Variants in PLXNA4 observed in about 807,000 individuals in gnomAD.
PLXNA4 encodes the protein plexin-A4.
PLXNA4 carries 44 observed loss-of-function variants against 191.8 expected under a neutral mutation model. The ratio of observed to expected loss-of-function variants is 0.23; its 90% CI spans 0.18 to 0.29. PLXNA4 has a LOEUF of 0.29. PLXNA4 is among the 10% of genes least tolerant of loss of function. The pLI, the probability that PLXNA4 is intolerant of heterozygous loss-of-function variation, is 1.00. For missense variants in PLXNA4, 1,800 were observed against 2,488.8 expected (o/e 0.72, Z 5.89); for synonymous variants, 1,082 against 1,009.5 (o/e 1.07, Z -1.36).
intron 4 of PLXNA4, among the ~76,000 whole-genome samples, chr7:132,269,591 C>G (rs1799987087): frequency 1.3e-5 from 2 of 152,272 alleles, no homozygotes; most frequent in South Asian, 4.1e-4. Context: ...TGCAATCCTA[C>G]TGTAGAAATA....
intron 3 of PLXNA4, among the ~76,000 whole-genome samples, chr7:132,362,861 T>C (rs1804003301): frequency 6.6e-6 from 1 of 152,240 alleles, no homozygotes; most frequent in Non-Finnish European, 1.5e-5. Context: ...CTACCTCTTT[T>C]ATTGTAGTAA....
intron 1 of PLXNA4, among the ~76,000 whole-genome samples, chr7:132,571,823 A>G (rs942513916): frequency 5.3e-5 from 8 of 152,178 alleles, no homozygotes; most frequent in Non-Finnish European, 1.2e-4. Context: ...AAAGATGGGA[A>G]CTTCACTCAT....
Position 132,588,857 on chromosome 7 carries a change from G to A in PLXNA4, c.-87+57071C>T, listed in dbSNP as rs929264752. ...GGGAAGGAAGGAAGGAAACAAGAAA[G>A]GAGGGAGAAAGGGAAGAAAAGGGGG... On this transcript the variant is annotated intron_variant, in intron 2 of 4. Transcript: ENST00000378539. Among the ~76,000 whole-genome samples the A allele has an allele frequency of 5.9e-5, 9 of 151,496 alleles. No individual in the cohort carries two copies. The East Asian group carries it at 1.5e-3, about 26-fold the overall frequency.
In PLXNA4 at chr7:132,181,376, T is replaced by G. The variant is rs1796698873; in HGVS notation, c.3492+5A>C. 1.5e-6 allele frequency: 2 copies of G among 1,328,996 alleles called. No individual in the cohort carries two copies. The highest frequency in any genetic ancestry group is 7.5e-5 in the East Asian group (2 of 26,654). The allele number at this position is 1,328,996 out of a possible 1,614,324, so 82.3% of individuals were successfully genotyped here. A position where few individuals can be genotyped will look rare whatever the true frequency, so the allele number is the denominator to read the frequency against. ...CACCCCCGCCTCCCACCACCCTCAC[T>G]CCACCTTTAGGATGATGGGCGTGCC... On this transcript the variant is annotated splice_donor_5th_base_variant and intron_variant, in intron 18 of 31. Transcript: ENST00000321063.
chr7:132,294,695 C>G (rs1306048358), intron 4 of PLXNA4, among the ~76,000 whole-genome samples: 1 of 152,164 alleles, frequency 6.6e-6, no homozygotes, highest in Non-Finnish European at 1.5e-5. Flanking sequence ...AGCTACAACT[C>G]AAGATGAGAT....
At chr7:132,184,042 C>T (rs1477126995) in intron 16 of PLXNA4, among the ~76,000 whole-genome samples, 5 of 152,214 alleles carry the variant, frequency 3.3e-5, no homozygotes, top group South Asian at 2.1e-4. Flanking sequence ...ATTCAGCCCA[C>T]GGACTGGAGT....
At chr7:132,318,556 T>G (rs563937894) in intron 3 of PLXNA4, among the ~76,000 whole-genome samples, 1 of 151,920 alleles carries the variant, frequency 6.6e-6, no homozygotes, top group East Asian at 1.9e-4. Context: ...AGAATGAGCG[T>G]TTCCACAACT....
At chr7:132,144,274 A>C (rs1272437143) in intron 29 of PLXNA4, among the ~76,000 whole-genome samples, 1 of 152,182 alleles carries the variant, frequency 6.6e-6, no homozygotes, top group Non-Finnish European at 1.5e-5. Flanking sequence ...GCATCTCATC[A>C]ATAATTATTG....
chr7:132,481,228 A>G (rs1272113878), intron 3 of PLXNA4, among the ~76,000 whole-genome samples: 9 of 152,092 alleles, frequency 5.9e-5, no homozygotes, highest in African/African-American at 2.2e-4. Flanking sequence ...CAACCGCCCT[A>G]GCATGGACAT....
chr7:132,395,119 A>G (rs1793703402), intron 3 of PLXNA4, among the ~76,000 whole-genome samples: 1 of 152,224 alleles, frequency 6.6e-6, no homozygotes, highest in Admixed American at 6.5e-5. Context: ...TTGGCCAAAT[A>G]ACCCACTTTT....
chr7:132,364,471 C>T (rs1023723956), intron 3 of PLXNA4, among the ~76,000 whole-genome samples: 6 of 152,262 alleles, frequency 3.9e-5, no homozygotes, highest in Middle Eastern at 3.4e-3. Flanking sequence ...TAAGAGGTTG[C>T]GCTGCCTGGA....
At chr7:132,502,734 C>T (rs1585234510) in intron 2 of PLXNA4, among the ~76,000 whole-genome samples, 1 of 152,256 alleles carries the variant, frequency 6.6e-6, no homozygotes, top group East Asian at 1.9e-4. Flanking sequence ...GTTTTGTGTT[C>T]CTCCATTCCC....
At chr7:132,476,055 G>C (rs565996745) in intron 3 of PLXNA4, among the ~76,000 whole-genome samples, 2 of 152,308 alleles carry the variant, frequency 1.3e-5, no homozygotes, top group East Asian at 3.9e-4. Flanking sequence ...GCATGTGTGG[G>C]TGCCTCCCTG....
intron 3 of PLXNA4, among the ~76,000 whole-genome samples, chr7:132,430,037 A>C (rs1425946959): frequency 6.6e-6 from 1 of 152,176 alleles, no homozygotes; most frequent in Non-Finnish European, 1.5e-5. Flanking sequence ...GCCCCTCTCT[A>C]TGCAGAGGGT....
intron 1 of PLXNA4, among the ~76,000 whole-genome samples, chr7:132,571,448 T>A (rs2116759539): frequency 6.6e-6 from 1 of 152,304 alleles, no homozygotes; most frequent in African/African-American, 2.4e-5. Flanking sequence ...CAGCACCGCA[T>A]GATGTCCCTA....
intron 17 of PLXNA4, 50 bp from the exon 18 acceptor site, chr7:132,181,670 A>T (rs1204659244): frequency 6.2e-7 from 1 of 1,600,732 alleles, no homozygotes; most frequent in Admixed American, 1.7e-5. Flanking sequence ...CCACATACCC[A>T]CAGCCCCAGT....
chr7:132,424,529 A>AC (rs919328776), intron 3 of PLXNA4, among the ~76,000 whole-genome samples: 29 of 150,258 alleles, frequency 1.9e-4, no homozygotes, highest in African/African-American at 6.6e-4. Context: ...GGTCAGTAGA[A>AC]CCCCCCAGGC....
At position 132,140,694 on chromosome 7, in the gene PLXNA4, A is replaced by G. The variant is rs747148610; in HGVS notation, c.5343T>C (p.Ser1781=). Residue 1781 remains serine (S), a synonymous_variant, in exon 30 of 32, where the codon TCT becomes TCC. Transcript: ENST00000321063. ...CCAGCCGGTGCTCTGACGTGGAGCA[A>G]GAGTCCATGAAGGTCTGAGCCACCA... ...LSVVAQTFMD[S]CSTSEHRLGK... The G allele has an allele frequency of 6.8e-6, 11 of 1,614,028 alleles. No individual in the cohort carries two copies. The highest frequency in any genetic ancestry group is 1.7e-5 in the Admixed American group (1 of 60,008).
intron 4 of PLXNA4, among the ~76,000 whole-genome samples, chr7:132,282,193 G>C (rs1462174108): frequency 6.6e-6 from 1 of 152,096 alleles, no homozygotes; most frequent in African/African-American, 2.4e-5. Context: ...GGGTACATGT[G>C]CACAATGTGC....
Sources: gnomAD v4.1 joint callset for allele counts (sites outside exome capture counted in the v4.1 genomes callset) on GRCh38, gnomAD v4.1.1 for gene constraint, MANE v1.5 for transcripts, NCBI Gene and HGNC (gene_info 2026-07-23, HGNC 2026-07-21) for gene names.